FRAS1: variants seen among roughly 807,000 people sequenced by gnomAD.
FRAS1 encodes the protein Fraser extracellular matrix complex subunit 1.
In FRAS1, 290 loss-of-function variants were observed where a neutral mutation model predicts 435.2. The ratio of observed to expected loss-of-function variants is 0.67; its 90% confidence interval spans 0.61 to 0.73. The LOEUF is 0.73. Among genes scored for constraint, FRAS1 ranks in the 30% least tolerant of loss-of-function variants. FRAS1 has a pLI of 0.00. For synonymous variants in FRAS1, 1,800 were observed against 1,851.0 expected (o/e 0.97, Z 0.71); for missense variants, 4,860 against 5,001.5 (o/e 0.97, Z 0.85).
intron 4 of FRAS1, 90 bp downstream of exon 4, chr4:78,245,415 T>G: frequency 3.2e-6 from 3 of 924,532 alleles, no homozygotes; most frequent in Non-Finnish European, 5.1e-6. Flanking sequence ...GATGAGAGTT[T>G]TTTTCTTTGC....
chr4:78,347,839 T>C (rs1730667647), intron 20 of FRAS1, among the ~76,000 whole-genome samples: 1 of 150,762 alleles, frequency 6.6e-6, no homozygotes, highest in South Asian at 2.1e-4. Context: ...GAGAGAAGGA[T>C]TGAAGTCTGA....
intron 2 of FRAS1, among the ~76,000 whole-genome samples, chr4:78,205,374 T>C (rs1723214271): frequency 6.6e-6 from 1 of 152,070 alleles, no homozygotes; most frequent in Non-Finnish European, 1.5e-5. Context: ...GCTAATTTTT[T>C]GTAGAGGGAG....
At chr4:78,406,502 C>A (rs994995526) in intron 30 of FRAS1, among the ~76,000 whole-genome samples, 1 of 152,104 alleles carries the variant, frequency 6.6e-6, no homozygotes, top group African/African-American at 2.4e-5. Flanking sequence ...CCCTGATAAA[C>A]CCATCAGATC....
At chr4:78,305,969 A>G (rs1194730555) in intron 14 of FRAS1, among the ~76,000 whole-genome samples, 2 of 151,770 alleles carry the variant, frequency 1.3e-5, no homozygotes, top group African/African-American at 4.8e-5. Context: ...GATGGTCTTT[A>G]CATTTTGGCA....
chr4:78,265,101 T>G lies in FRAS1; in HGVS notation c.680T>G (p.Val227Gly), dbSNP rs1236317400. Residue 227 changes from valine (V) to glycine (G), a missense_variant, in exon 7 of 74, where the codon GTA (valine) becomes GGA (glycine). Transcript: ENST00000512123. ...AGATCCTGCTCTGCAGCTGGCCAAG[T>G]ATACGAGGTAAGCTTTCATGCTCCC... ...SARSCSAAGQ[V>G]YEHGEQWSEN... The G allele has an allele frequency of 6.2e-7, 1 of 1,611,682 alleles. No homozygotes were observed. The highest frequency in any genetic ancestry group is 1.1e-5 in the South Asian group (1 of 90,614).
At chr4:78,318,587 G>A (rs908084563) in intron 17 of FRAS1, among the ~76,000 whole-genome samples, 12 of 152,198 alleles carry the variant, frequency 7.9e-5, no homozygotes, top group East Asian at 3.9e-4. Flanking sequence ...TGTCTAGCCC[G>A]ACAGCCCTTA....
At chr4:78,249,655 G>C (rs143963233) in intron 4 of FRAS1, among the ~76,000 whole-genome samples, 1 of 152,026 alleles carries the variant, frequency 6.6e-6, no homozygotes, top group Non-Finnish European at 1.5e-5. Context: ...ACAATTCTCA[G>C]GCTTTTGGGA....
intron 33 of FRAS1, among the ~76,000 whole-genome samples, chr4:78,420,895 TATATATATATATATA>T (rs1405391943): frequency 0.055 from 3,019 of 54,742 alleles, 182 homozygotes; most frequent in African/African-American, 0.12. Flanking sequence ...TATATATATA[TATATATATATATATA>T]TATATATATA....
chr4:78,274,767 G>A (rs1255424909), intron 9 of FRAS1, among the ~76,000 whole-genome samples: 2 of 152,164 alleles, frequency 1.3e-5, no homozygotes, highest in Non-Finnish European at 2.9e-5. Context: ...GTGTGGTGTG[G>A]TGCTGAAAAG....
rs2109911879 is a variant in FRAS1, at chr4:78,540,984, A to AATAG, written c.11901_11904dup (p.His3969Ter). On this transcript the variant is annotated frameshift_variant, in exon 74 of 74. Transcript: ENST00000512123. LOFTEE classifies it high-confidence loss of function. ...CCCGGACCGGGTGGAGAAGAACGTG[A>AATAG]ATAGACACTACTGCACTGTGCGGAA... 6.2e-6 allele frequency: 10 copies of AATAG among 1,613,230 alleles called. No individual in the cohort carries two copies. The highest frequency in any genetic ancestry group is 8.5e-6 in the Non-Finnish European group (10 of 1,179,508).
intron 2 of FRAS1, among the ~76,000 whole-genome samples, chr4:78,226,743 T>C (rs1724291966): frequency 6.6e-6 from 1 of 152,090 alleles, no homozygotes; most frequent in Admixed American, 6.6e-5. Flanking sequence ...TTTTGGAAAA[T>C]TCTTGGCCAT....
At chr4:78,242,267 C>T (rs961847292) in intron 3 of FRAS1, among the ~76,000 whole-genome samples, 3 of 152,124 alleles carry the variant, frequency 2.0e-5, no homozygotes, top group Admixed American at 2.0e-4. Flanking sequence ...ATGGTCATGT[C>T]AAGAACCTTG....
At chr4:78,242,932 C>A (rs894260920) in intron 3 of FRAS1, among the ~76,000 whole-genome samples, 1 of 151,952 alleles carries the variant, frequency 6.6e-6, no homozygotes, top group African/African-American at 2.4e-5. Flanking sequence ...TATAGAATAG[C>A]TAGCTGGATA....
intron 18 of FRAS1, among the ~76,000 whole-genome samples, chr4:78,332,840 A>G (rs1730001227): frequency 6.6e-6 from 1 of 152,186 alleles, no homozygotes; most frequent in Non-Finnish European, 1.5e-5. Flanking sequence ...TAGGCACTTT[A>G]TAAACCTATG....
intron 2 of FRAS1, among the ~76,000 whole-genome samples, chr4:78,067,109 C>T (rs896673220): frequency 5.9e-5 from 9 of 152,160 alleles, no homozygotes; most frequent in South Asian, 2.1e-4. Context: ...GTCAGTTATC[C>T]GTGCTAATAA....
intron 70 of FRAS1, among the ~76,000 whole-genome samples, chr4:78,527,377 T>C (rs1442955917): frequency 2.0e-5 from 3 of 152,160 alleles, no homozygotes; most frequent in Non-Finnish European, 4.4e-5. Flanking sequence ...TGTGTTTTGC[T>C]CAGGTCAAGG....
chr4:78,145,042 A>T (rs895063659), intron 2 of FRAS1, among the ~76,000 whole-genome samples: 7 of 152,216 alleles, frequency 4.6e-5, no homozygotes, highest in Non-Finnish European at 7.3e-5. Flanking sequence ...TATTATTTTT[A>T]AATTTCCCTT....
At chr4:78,413,286 C>T (rs993843357) in intron 32 of FRAS1, among the ~76,000 whole-genome samples, 19 of 152,160 alleles carry the variant, frequency 1.2e-4, no homozygotes, top group African/African-American at 4.1e-4. Flanking sequence ...GAAGGTTATG[C>T]GGAATCCGTA....
intron 18 of FRAS1, among the ~76,000 whole-genome samples, chr4:78,325,924 G>A (rs1033298778): frequency 3.3e-5 from 5 of 152,198 alleles, no homozygotes; most frequent in Non-Finnish European, 7.3e-5. Context: ...AAAACAGTAA[G>A]TGCAAAGGCG....
Sources: gnomAD v4.1 joint callset for allele counts (sites outside exome capture counted in the v4.1 genomes callset) on GRCh38, gnomAD v4.1.1 for gene constraint, MANE v1.5 for transcripts, NCBI Gene and HGNC (gene_info 2026-07-23, HGNC 2026-07-21) for gene names.